The following CPB2 variants were observed in gnomAD, a reference collection of about 807,000 sequenced individuals.
CPB2 encodes the protein carboxypeptidase B-like protein.
In CPB2, 54 loss-of-function variants were observed where a neutral mutation model predicts 57.0. That is an observed-to-expected ratio of 0.95 (90% CI 0.76 to 1.19). The LOEUF is 1.19. Among genes scored for constraint, CPB2 ranks in the 50% most tolerant of loss-of-function variants. CPB2 has a pLI of 0.00. For missense variants in CPB2, 426 were observed against 512.0 expected (o/e 0.83, Z 1.62); for synonymous variants, 189 against 178.1 (o/e 1.06, Z -0.49).
intron 5 of CPB2, among the ~76,000 whole-genome samples, chr13:46,076,743 G>A (rs1382441295): frequency 6.6e-6 from 1 of 151,972 alleles, no homozygotes; most frequent in Non-Finnish European, 1.5e-5. Context: ...ACAGACACAT[G>A]GACCAATGGA....
chr13:46,053,479 T>C lies in CPB2; in HGVS notation c.*135A>G. 7.3e-7 allele frequency: 1 copy of C among 1,378,236 alleles called. No individual in the cohort carries two copies. The highest frequency in any genetic ancestry group is 9.7e-7 in the Non-Finnish European group (1 of 1,032,398). The allele number at this position is 1,378,236 out of a possible 1,614,324, so 85.4% of individuals were successfully genotyped here. ...TGGCAAAGTAGCACTTATTAGGTTC[T>C]CTGACAGAACCAAGGAATAGGAAAA... On this transcript the variant is annotated 3_prime_UTR_variant, in exon 11 of 11. Coordinates refer to ENST00000181383, the MANE Select transcript of CPB2 (RefSeq NM_001872.5).
At chr13:46,056,880 C>A (rs548819159) in intron 9 of CPB2, among the ~76,000 whole-genome samples, 4 of 152,346 alleles carry the variant, frequency 2.6e-5, no homozygotes, top group African/African-American at 9.6e-5. Context: ...TTTATCTCCT[C>A]ACTTATCTCA....
chr13:46,076,988 A>G (rs996088371), intron 5 of CPB2, among the ~76,000 whole-genome samples: 20 of 152,172 alleles, frequency 1.3e-4, no homozygotes, highest in African/African-American at 4.1e-4. Flanking sequence ...AGAAGAAAAC[A>G]TTGGGAAAAC....
At position 46,058,356 on chromosome 13, in the gene CPB2, G is replaced by A. The variant is rs1381394863; in HGVS notation, c.822C>T (p.Cys274=). 6.2e-7 allele frequency: 1 copy of A among 1,613,934 alleles called. No homozygotes were observed. The highest frequency in any genetic ancestry group is 1.6e-4 in the Middle Eastern group (1 of 6,084). ...WCEEGASSSS[C]SETYCGLYPE... is the part of the protein sequence containing the mutation. ...GATAAAGTCCACAGTAGGTTTCCGA[G>A]CATGAGGAACTGGATGCACCTTCCT... Residue 274 remains cysteine (C), a synonymous_variant, in exon 9 of 11, where the codon TGC becomes TGT. Coordinates refer to ENST00000181383, the MANE Select transcript of CPB2 (RefSeq NM_001872.5).
intron 9 of CPB2, among the ~76,000 whole-genome samples, chr13:46,056,814 A>G (rs566641917): frequency 6.6e-6 from 1 of 152,272 alleles, no homozygotes; most frequent in South Asian, 2.1e-4. Context: ...GCACTTTATT[A>G]TTTGTAGTTT....
At chr13:46,091,231 T>G (rs1238224243) in intron 1 of CPB2, among the ~76,000 whole-genome samples, 1 of 152,230 alleles carries the variant, frequency 6.6e-6, no homozygotes, top group Non-Finnish European at 1.5e-5. Flanking sequence ...AAGTAATCAT[T>G]ACATCTGCAC....
In CPB2 at chr13:46,073,924, G is replaced by A; in HGVS notation, c.540C>T (p.Ile180=). 1 of 1,591,948 alleles carries A rather than the reference G, an allele frequency of 6.3e-7. No homozygotes were observed. Among genetic ancestry groups the A allele is most frequent in the African/African-American group, 1.3e-5 (1 of 74,664 alleles). Residue 180 remains isoleucine (I), a synonymous_variant, in exon 6 of 11, where the codon ATC becomes ATT. Coordinates refer to ENST00000181383, the MANE Select transcript of CPB2 (RefSeq NM_001872.5). ...AKNAIWIDCG[I]HAREWISPAF... ...CAGGAGAGATCCATTCTCTGGCATG[G>A]ATTCCACAGTCAATCCATATGGCAT...
chr13:46,096,714 G>T (rs959030033), intron 1 of CPB2, among the ~76,000 whole-genome samples: 1 of 152,124 alleles, frequency 6.6e-6, no homozygotes, highest in East Asian at 1.9e-4. Flanking sequence ...AGGAGGCAGA[G>T]GTTGTAGTGA....
In CPB2 at chr13:46,053,690, C is replaced by A; in HGVS notation, c.1196G>T (p.Arg399Leu). ...TGTYGFLLPERYIKPTCREAF... is the reference protein window; with the variant it reads ...TGTYGFLLPELYIKPTCREAF... The stretch of plus-strand genomic sequence containing the variant: ...TTCTCTACAGGTGGGTTTGATGTAA[C>A]GCTCCGGCAGCAAGAATCCGTATGT... Residue 399 changes from arginine to leucine, a missense_variant, in exon 11 of 11, where the codon CGT becomes CTT. Coordinates refer to ENST00000181383, the MANE Select transcript of CPB2 (RefSeq NM_001872.5). The A allele has an allele frequency of 1.9e-6, 3 of 1,614,108 alleles. No homozygotes were observed. Among genetic ancestry groups the A allele is most frequent in the Non-Finnish European group, 2.5e-6 (3 of 1,180,016 alleles).
intron 5 of CPB2, among the ~76,000 whole-genome samples, chr13:46,078,573 C>T: frequency 6.6e-6 from 1 of 152,104 alleles, no homozygotes; most frequent in East Asian, 1.9e-4. Flanking sequence ...TCCAGACTGA[C>T]TGGTGTCCTT....
At chr13:46,082,302 C>T in intron 4 of CPB2, 139 bp downstream of exon 4, 3 of 475,424 alleles carry the variant, frequency 6.3e-6, no homozygotes, top group Non-Finnish European at 1.1e-5. Context: ...GAATGACCAC[C>T]ATTTAATTAA....
intron 5 of CPB2, among the ~76,000 whole-genome samples, chr13:46,078,029 A>C (rs2045050583): frequency 6.6e-6 from 1 of 152,156 alleles, no homozygotes; most frequent in African/African-American, 2.4e-5. Flanking sequence ...GAGAATCAAC[A>C]ATATTTCAAA....
intron 1 of CPB2, chr13:46,094,958 A>G (rs2139418567): frequency 6.6e-6 from 1 of 151,984 alleles, no homozygotes; most frequent in Admixed American, 6.6e-5. Context: ...AAAGATCATG[A>G]CTCCTTCAGT....
chr13:46,061,636 T>A (rs2044773723), intron 8 of CPB2, among the ~76,000 whole-genome samples: 1 of 152,182 alleles, frequency 6.6e-6, no homozygotes, highest in African/African-American at 2.4e-5. Flanking sequence ...CTCACTCTGC[T>A]GGTACCTTGA....
At chr13:46,055,966 A>G in intron 9 of CPB2, 117 bp from the exon 10 acceptor site, 1 of 512,962 alleles carries the variant, frequency 1.9e-6, no homozygotes, top group Non-Finnish European at 3.3e-6. Context: ...TAGAAAATCT[A>G]GATTCATCTA....
At chr13:46,062,533 C>T (rs2044790307) in intron 8 of CPB2, among the ~76,000 whole-genome samples, 1 of 152,204 alleles carries the variant, frequency 6.6e-6, no homozygotes, top group African/African-American at 2.4e-5. Context: ...AACTTTGGGC[C>T]TCTGGGAACA....
chr13:46,070,190 G>A (rs1471848177), intron 6 of CPB2, among the ~76,000 whole-genome samples: 1 of 152,188 alleles, frequency 6.6e-6, no homozygotes, highest in Non-Finnish European at 1.5e-5. Flanking sequence ...TAGGCTCTGT[G>A]TTAGAAGATT....
At chr13:46,096,400 T>C (rs1485418700) in intron 1 of CPB2, 1 of 152,264 alleles carries the variant, frequency 6.6e-6, no homozygotes, top group East Asian at 1.9e-4. Flanking sequence ...TGGTGTCTGC[T>C]TCTCAGAGGA....
chr13:46,072,296 G>T (rs1213148992), intron 6 of CPB2, among the ~76,000 whole-genome samples: 1 of 152,116 alleles, frequency 6.6e-6, no homozygotes, highest in African/African-American at 2.4e-5. Context: ...TTTAGTTTTT[G>T]AATATAAAAC....
Sources: gnomAD v4.1 joint callset for allele counts (sites outside exome capture counted in the v4.1 genomes callset) on GRCh38, gnomAD v4.1.1 for gene constraint, MANE v1.5 for transcripts, NCBI Gene and HGNC (gene_info 2026-07-23, HGNC 2026-07-21) for gene names.